TSPAN18: variants seen among roughly 807,000 people sequenced by gnomAD.
TSPAN18 encodes the protein tetraspanin-18.
A neutral mutation model predicts 27.3 loss-of-function variants in TSPAN18; 14 were observed. The observed-to-expected ratio is 0.51, with a 90% confidence interval of 0.34 to 0.80. The LOEUF is 0.80. TSPAN18 is among the 30% of genes least tolerant of loss of function. TSPAN18 has a pLI of 0.01. For missense variants in TSPAN18, 268 were observed against 323.9 expected, an observed-to-expected ratio of 0.83 and a Z score of 1.32; for synonymous variants, 143 against 136.5, an observed-to-expected ratio of 1.05 and a Z score of -0.33.
At chr11:44,793,636 C>T (rs1785216402) in intron 2 of TSPAN18, among the ~76,000 whole-genome samples, 2 of 152,200 alleles carry the variant, frequency 1.3e-5, no homozygotes, top group South Asian at 4.1e-4. Context: ...CACCACGTTA[C>T]CCTGGTGCAT....
intron 1 of TSPAN18, among the ~76,000 whole-genome samples, chr11:44,738,116 G>A (rs1435190667): frequency 2.6e-5 from 4 of 152,108 alleles, no homozygotes; most frequent in African/African-American, 9.7e-5. Context: ...TTGTATCCAA[G>A]GCACCTGGTA....
intron 2 of TSPAN18, among the ~76,000 whole-genome samples, chr11:44,806,861 G>A (rs1856603836): frequency 6.6e-6 from 1 of 152,140 alleles, no homozygotes; most frequent in Non-Finnish European, 1.5e-5. Context: ...AGCAATAAGA[G>A]GCATGTGGTA....
At chr11:44,729,815 C>A (rs554926283) in intron 1 of TSPAN18, among the ~76,000 whole-genome samples, 16 of 152,140 alleles carry the variant, frequency 1.1e-4, no homozygotes, top group African/African-American at 3.9e-4. Context: ...TGTTGGAGGG[C>A]AGGGTGCTGG....
chr11:44,900,685 T>C (rs1375398827), intron 3 of TSPAN18, among the ~76,000 whole-genome samples: 1 of 73,952 alleles, frequency 1.4e-5, no homozygotes, highest in Admixed American at 1.9e-4. Context: ...GAAGGCTTTT[T>C]TTTTTTTTTT....
At chr11:44,782,545 C>CAAAA (rs71038822) in intron 2 of TSPAN18, among the ~76,000 whole-genome samples, 1 of 110,686 alleles carries the variant, frequency 9.0e-6, no homozygotes, top group Admixed American at 9.6e-5. Flanking sequence ...TCCGTCTCCA[C>CAAAA]AAAAAAAAAA....
intron 2 of TSPAN18, among the ~76,000 whole-genome samples, chr11:44,829,070 C>T (rs1452402771): frequency 6.6e-6 from 1 of 152,110 alleles, no homozygotes; most frequent in Non-Finnish European, 1.5e-5. Context: ...ACAAACAATT[C>T]GAAAAGTACA....
rs765902929 is a variant in TSPAN18, at chr11:44,812,774, G to A, written c.-152-47554G>A. Reference sequence around the variant, plus strand: ...TTCTTAGCTAAAGCGGGTATCTGAGGGAGGGAGAGGGGGTGCCACGGGCTG... The same window carrying A: ...TTCTTAGCTAAAGCGGGTATCTGAGAGAGGGAGAGGGGGTGCCACGGGCTG... On this transcript the variant is annotated intron_variant, in intron 2 of 9. Coordinates refer to ENST00000520358, the MANE Select transcript of TSPAN18 (RefSeq NM_130783.5). Among the ~76,000 whole-genome samples, 120 of 152,318 alleles carry A rather than the reference G, an allele frequency of 7.9e-4. 1 individual carries two copies. The highest frequency in any genetic ancestry group is 1.3e-3 in the Non-Finnish European group (87 of 68,024).
At chr11:44,731,633 T>TGTGTGTGTGTGAGA (rs139154582) in intron 1 of TSPAN18, among the ~76,000 whole-genome samples, 12 of 107,436 alleles carry the variant, frequency 1.1e-4, no homozygotes, top group South Asian at 3.7e-4. Flanking sequence ...TGTGTGTGTG[T>TGTGTGTGTGTGAGA]GAGAGAGAGA....
intron 2 of TSPAN18, among the ~76,000 whole-genome samples, chr11:44,765,121 C>T (rs1056767837): frequency 6.6e-6 from 1 of 152,110 alleles, no homozygotes; most frequent in Non-Finnish European, 1.5e-5. Context: ...GATGAAAAGC[C>T]AGGATGTCTG....
chr11:44,804,720 G>C (rs1455823174), intron 2 of TSPAN18, among the ~76,000 whole-genome samples: 2 of 144,504 alleles, frequency 1.4e-5, no homozygotes, highest in African/African-American at 5.0e-5. Context: ...TTAAGGTCTG[G>C]ATCTAAATTT....
At chr11:44,848,707 T>C (rs1398592333) in intron 2 of TSPAN18, among the ~76,000 whole-genome samples, 2 of 152,228 alleles carry the variant, frequency 1.3e-5, no homozygotes, top group Non-Finnish European at 2.9e-5. Context: ...ATCATTGGGG[T>C]ACCCCCATTC....
chr11:44,848,339 C>T (rs745985861), intron 2 of TSPAN18, among the ~76,000 whole-genome samples: 6 of 152,214 alleles, frequency 3.9e-5, no homozygotes, highest in Non-Finnish European at 8.8e-5. Flanking sequence ...CCCCTTCCTG[C>T]TCTTGGAGCC....
At chr11:44,884,817 G>C (rs1304243042) in intron 3 of TSPAN18, among the ~76,000 whole-genome samples, 1 of 152,218 alleles carries the variant, frequency 6.6e-6, no homozygotes, top group Non-Finnish European at 1.5e-5. Context: ...CTTGAACCCA[G>C]CTTTCTGGAT....
intron 1 of TSPAN18, among the ~76,000 whole-genome samples, chr11:44,729,604 C>T (rs1854602319): frequency 6.6e-6 from 1 of 152,190 alleles, no homozygotes; most frequent in Admixed American, 6.5e-5. Context: ...CAAACCCATT[C>T]AAACAGCCAG....
intron 1 of TSPAN18, among the ~76,000 whole-genome samples, chr11:44,758,588 G>T (rs1307533467): frequency 2.0e-5 from 3 of 152,174 alleles, no homozygotes; most frequent in Non-Finnish European, 4.4e-5. Flanking sequence ...GAAAGTAGCG[G>T]CAGATTATAT....
At chr11:44,817,358 G>A (rs1856837034) in intron 2 of TSPAN18, among the ~76,000 whole-genome samples, 2 of 152,260 alleles carry the variant, frequency 1.3e-5, no homozygotes, top group South Asian at 4.1e-4. Flanking sequence ...CTCAAGGGCT[G>A]TAGGCTAGCT....
intron 2 of TSPAN18, among the ~76,000 whole-genome samples, chr11:44,789,616 TGAG>T (rs1330183510): frequency 6.6e-6 from 1 of 152,090 alleles, no homozygotes; most frequent in Admixed American, 6.5e-5. Flanking sequence ...GGTGAGCTCT[TGAG>T]GAGGCTTCGA....
chr11:44,904,015 G>A (rs2135319859), intron 3 of TSPAN18: 1 of 374,592 alleles, frequency 2.7e-6, no homozygotes, highest in Non-Finnish European at 5.3e-6. Context: ...TAGGGGTGGA[G>A]ACTTGGGTGG....
chr11:44,889,809 A>G (rs1454633913), intron 3 of TSPAN18, among the ~76,000 whole-genome samples: 3 of 151,948 alleles, frequency 2.0e-5, no homozygotes, highest in Non-Finnish European at 4.4e-5. Flanking sequence ...AACTTTGTAG[A>G]CCTCCCAGGG....
Sources: allele counts gnomAD v4.1 joint callset (sites outside exome capture counted in the v4.1 genomes callset), GRCh38; gene constraint gnomAD v4.1.1; transcripts MANE v1.5; gene names NCBI Gene and HGNC (gene_info 2026-07-23, HGNC 2026-07-21).